The following OPCML variants were observed in gnomAD, a reference collection of about 807,000 sequenced individuals.
OPCML encodes the protein opioid-binding protein/cell adhesion molecule.
OPCML carries 13 observed loss-of-function variants against 37.8 expected under a neutral mutation model. That is an observed-to-expected ratio of 0.34 (90% CI 0.22 to 0.55). OPCML has a LOEUF of 0.55. Among genes scored for constraint, OPCML ranks in the 20% least tolerant of loss-of-function variants. The pLI, the probability that OPCML is intolerant of heterozygous loss-of-function variation, is 0.91. For missense variants in OPCML, 341 were observed against 435.6 expected (o/e 0.78, Z 1.93); for synonymous variants, 176 against 168.8 (o/e 1.04, Z -0.33).
chr11:133,407,077 A>G (rs1030178190), intron 1 of OPCML, among the ~76,000 whole-genome samples: 3 of 152,200 alleles, frequency 2.0e-5, no homozygotes, highest in Non-Finnish European at 4.4e-5. Flanking sequence ...ACTGCTAAGC[A>G]GTATATTTCT....
chr11:132,562,784 T>C (rs192652400), intron 3 of OPCML, among the ~76,000 whole-genome samples: 70 of 152,132 alleles, frequency 4.6e-4, no homozygotes, highest in Admixed American at 1.2e-3. Flanking sequence ...GTGCATTTCA[T>C]CATAGGGCTA....
At chr11:133,047,988 CTG>C (rs1415751189) in intron 1 of OPCML, among the ~76,000 whole-genome samples, 1 of 152,090 alleles carries the variant, frequency 6.6e-6, no homozygotes, top group Admixed American at 6.5e-5. Context: ...TGTCCAGAAA[CTG>C]AGGATTCCTG....
intron 3 of OPCML, among the ~76,000 whole-genome samples, chr11:132,582,774 G>T (rs919835129): frequency 1.3e-5 from 2 of 151,604 alleles, no homozygotes; most frequent in Non-Finnish European, 2.9e-5. Flanking sequence ...GTTCAGTCAT[G>T]CAGGCAGCAA....
intron 3 of OPCML, among the ~76,000 whole-genome samples, chr11:132,602,902 C>T (rs1340446334): frequency 2.0e-5 from 3 of 152,240 alleles, no homozygotes; most frequent in Non-Finnish European, 2.9e-5. Flanking sequence ...GCTCAGGTCA[C>T]GGACAGTAGT....
At chr11:133,128,288 C>A (rs937167597) in intron 1 of OPCML, among the ~76,000 whole-genome samples, 3 of 152,178 alleles carry the variant, frequency 2.0e-5, no homozygotes, top group African/African-American at 7.2e-5. Context: ...AATCCAGATT[C>A]ATTGCTCTTC....
chr11:133,246,394 C>A (rs1940927370), intron 1 of OPCML, among the ~76,000 whole-genome samples: 1 of 152,118 alleles, frequency 6.6e-6, no homozygotes, highest in African/African-American at 2.4e-5. Context: ...CAAAGGAGAG[C>A]ATGTAACACA....
At chr11:133,203,465 A>C (rs1855730596) in intron 1 of OPCML, among the ~76,000 whole-genome samples, 1 of 152,186 alleles carries the variant, frequency 6.6e-6, no homozygotes. Flanking sequence ...GGAGATCAGG[A>C]GGCTAAGTGA....
intron 1 of OPCML, among the ~76,000 whole-genome samples, chr11:133,231,711 C>T (rs920866590): frequency 1.3e-5 from 2 of 152,136 alleles, no homozygotes; most frequent in African/African-American, 4.8e-5. Context: ...GTATGCATAA[C>T]CTCCTGAGAT....
chr11:132,732,453 A>G (rs1432894276), intron 2 of OPCML, among the ~76,000 whole-genome samples: 2 of 152,146 alleles, frequency 1.3e-5, no homozygotes, highest in Admixed American at 1.3e-4. Flanking sequence ...GAGGGTATTG[A>G]GTCTGAGGTT....
chr11:132,523,124 C>G (rs917050159), intron 4 of OPCML, among the ~76,000 whole-genome samples: 3 of 152,188 alleles, frequency 2.0e-5, no homozygotes, highest in African/African-American at 4.8e-5. Flanking sequence ...CCAAGCTGAT[C>G]TTGAACTCCT....
intron 2 of OPCML, among the ~76,000 whole-genome samples, chr11:132,865,333 C>T (rs1942488975): frequency 6.6e-6 from 1 of 152,020 alleles, no homozygotes; most frequent in African/African-American, 2.4e-5. Flanking sequence ...GAAAACTGTA[C>T]AAAGAAGAAA....
chr11:133,147,905 G>GT (rs1949920423), intron 1 of OPCML, among the ~76,000 whole-genome samples: 1 of 152,072 alleles, frequency 6.6e-6, no homozygotes, highest in African/African-American at 2.4e-5. Context: ...AAATTGCCCC[G>GT]TTTACTGCCC....
intron 2 of OPCML, among the ~76,000 whole-genome samples, chr11:132,910,941 G>A (rs1379911490): frequency 6.6e-6 from 1 of 152,226 alleles, no homozygotes; most frequent in Non-Finnish European, 1.5e-5. Context: ...CTAGAAAGAT[G>A]TTGGAATGCA....
rs751761413 is a variant in OPCML at position 132,539,525 on chromosome 11, C to CTGA, written c.380-10340_380-10339insTCA. ...GTTTAAAGACATGCTGCTGCTGCTG[C>CTGA]TGCTGCTGATGATGATGATGATGAA... On this transcript the variant is annotated intron_variant, in intron 3 of 7. Transcript: ENST00000524381. Among the ~76,000 whole-genome samples the CTGA allele has an allele frequency of 7.6e-3, 1,163 of 152,086 alleles. 6 individuals carry two copies. Among genetic ancestry groups the CTGA allele is most frequent in the South Asian group, 0.015 (72 of 4,822 alleles).
intron 7 of OPCML, among the ~76,000 whole-genome samples, chr11:132,431,903 C>T (rs1448083120): frequency 6.6e-6 from 1 of 152,046 alleles, no homozygotes; most frequent in African/African-American, 2.4e-5. Flanking sequence ...ATACGGGTTG[C>T]AAATCTAAAA....
chr11:133,228,669 C>A (rs1261004594), intron 1 of OPCML, among the ~76,000 whole-genome samples: 1 of 152,256 alleles, frequency 6.6e-6, no homozygotes, highest in Non-Finnish European at 1.5e-5. Context: ...GCTCTCGCTG[C>A]CAGGCAGCTT....
chr11:132,898,603 T>C (rs1208722931), intron 2 of OPCML, among the ~76,000 whole-genome samples: 1 of 152,164 alleles, frequency 6.6e-6, no homozygotes, highest in Non-Finnish European at 1.5e-5. Context: ...GTATGTGCTC[T>C]GAATCAGCAT....
intron 1 of OPCML, among the ~76,000 whole-genome samples, chr11:133,485,534 G>A (rs1947508095): frequency 6.6e-6 from 1 of 152,072 alleles, no homozygotes; most frequent in African/African-American, 2.4e-5. Flanking sequence ...GCATCATCAA[G>A]TTTCTTTCTG....
intron 2 of OPCML, among the ~76,000 whole-genome samples, chr11:132,836,413 G>A (rs1163022563): frequency 6.6e-6 from 1 of 152,142 alleles, no homozygotes; most frequent in Non-Finnish European, 1.5e-5. Context: ...AGGATTCTCT[G>A]AGAAATAACA....
Sources: allele counts gnomAD v4.1 joint callset (sites outside exome capture counted in the v4.1 genomes callset), GRCh38; gene constraint gnomAD v4.1.1; transcripts MANE v1.5; gene names NCBI Gene and HGNC (gene_info 2026-07-23, HGNC 2026-07-21).